The following PRDM10 variants were observed in gnomAD, a reference collection of about 807,000 sequenced individuals.
PRDM10 encodes PR domain zinc finger protein 10.
Under a neutral mutation model 133.1 loss-of-function variants are expected in PRDM10, and 65 were observed. The observed-to-expected ratio is 0.49, with a 90% CI of 0.40 to 0.60. The LOEUF is 0.60. PRDM10 is among the 20% of genes least tolerant of loss of function. The probability of loss-of-function intolerance (pLI) is 0.00; values close to 1 mark genes in which losing one functional copy is unlikely to be tolerated. For missense variants in PRDM10, 1,137 were observed against 1,507.1 expected, an observed-to-expected ratio of 0.75 and a Z score of 4.07; for synonymous variants, 582 against 580.4, an observed-to-expected ratio of 1.00 and a Z score of -0.04.
intron 20 of PRDM10, among the ~76,000 whole-genome samples, chr11:129,904,085 T>C (rs1394167961): frequency 6.6e-6 from 1 of 151,320 alleles, no homozygotes; most frequent in Non-Finnish European, 1.5e-5. Context: ...TTACTCTGGA[T>C]TTACAAATCT....
chr11:129,908,070 A>C (rs1010156613), intron 19 of PRDM10, among the ~76,000 whole-genome samples: 3 of 152,196 alleles, frequency 2.0e-5, no homozygotes, highest in Non-Finnish European at 4.4e-5. Flanking sequence ...ACTGTACTCC[A>C]GACTGGGTGA....
chr11:129,944,469 C>T (rs1951331980), intron 6 of PRDM10, among the ~76,000 whole-genome samples: 1 of 151,694 alleles, frequency 6.6e-6, no homozygotes, highest in East Asian at 1.9e-4. Flanking sequence ...CCTGTAGTCC[C>T]AGCTACTCGG....
At chr11:129,978,776 T>C (rs1937933642) in intron 1 of PRDM10, among the ~76,000 whole-genome samples, 1 of 152,232 alleles carries the variant, frequency 6.6e-6, no homozygotes. Context: ...CCTTTCTTCA[T>C]GCCTCCAAGT....
rs774486359 is a variant in PRDM10, at chr11:129,923,326, G to A, written c.1956C>T (p.Pro652=). The A allele has an allele frequency of 1.2e-6, 2 of 1,610,360 alleles. No homozygotes were observed. Among genetic ancestry groups the A allele is most frequent in the South Asian group, 2.2e-5 (2 of 90,216 alleles). ...GGAGCATGTGGAGTCGCAGTTTATC[G>A]GGGCGACAGAAGGCCTTGTCACACT... ...CTECDKAFCR[P]DKLRLHMLRH... is the part of the protein sequence containing the mutation. Residue 652 remains proline (P), a synonymous_variant, in exon 13 of 21, where the codon CCC becomes CCT. Coordinates refer to ENST00000360871, the MANE Select transcript of PRDM10 (RefSeq NM_199437.2). This position sits in a 1 kb window ranked among gnomAD's most constrained non-coding sequence, Gnocchi z 4.4.
intron 17 of PRDM10, among the ~76,000 whole-genome samples, chr11:129,912,580 T>C (rs2135735453): frequency 6.6e-6 from 1 of 151,654 alleles, no homozygotes; most frequent in Admixed American, 6.6e-5. Flanking sequence ...TGAAACCCCG[T>C]CTCTACTGAA....
At chr11:129,984,496 A>C (rs1193706717) in intron 1 of PRDM10, among the ~76,000 whole-genome samples, 1 of 151,918 alleles carries the variant, frequency 6.6e-6, no homozygotes, top group African/African-American at 2.4e-5. Flanking sequence ...CCACGGCCTC[A>C]CTGTCCCCTC....
chr11:129,992,553 C>G (rs1185025885), intron 1 of PRDM10, among the ~76,000 whole-genome samples: 1 of 152,174 alleles, frequency 6.6e-6, no homozygotes, highest in Non-Finnish European at 1.5e-5. Flanking sequence ...GCTGTTGTAG[C>G]CGTGCTCTCC....
chr11:129,987,604 T>A (rs116173632), intron 1 of PRDM10, among the ~76,000 whole-genome samples: 1,710 of 152,282 alleles, frequency 0.011, 35 homozygotes, highest in African/African-American at 0.04. Flanking sequence ...CACAGTGGCA[T>A]TATTCATAAT....
intron 19 of PRDM10, among the ~76,000 whole-genome samples, chr11:129,907,512 C>T (rs1327264633): frequency 6.6e-6 from 1 of 152,096 alleles, no homozygotes; most frequent in Non-Finnish European, 1.5e-5. Flanking sequence ...TCAAGCGATT[C>T]TCCTGCCTTG....
intron 20 of PRDM10, among the ~76,000 whole-genome samples, chr11:129,902,775 G>C (rs1452072367): frequency 6.6e-6 from 1 of 152,188 alleles, no homozygotes; most frequent in African/African-American, 2.4e-5. Flanking sequence ...TTGCATCATG[G>C]TGGTAACATA....
chr11:129,914,576 TAA>T, intron 17 of PRDM10, 126 bp downstream of exon 17: 1 of 1,301,822 alleles, frequency 7.7e-7, no homozygotes, highest in Non-Finnish European at 1.1e-6. Flanking sequence ...GGGGCAGTTG[TAA>T]AATGCCCAAG....
chr11:129,996,757 C>T (rs780959175), intron 1 of PRDM10, among the ~76,000 whole-genome samples: 46 of 152,142 alleles, frequency 3.0e-4, no homozygotes, highest in Non-Finnish European at 6.3e-4. Flanking sequence ...ACCAGTTTGA[C>T]CGAAGTGGCG....
At position 129,914,842 on chromosome 11, in the gene PRDM10, T is replaced by C. The variant is rs145298028; in HGVS notation, c.2703A>G (p.Glu901=). ...TTDLLTQAMT[E]LSQTLTTDYR... is the part of the protein sequence containing the mutation. ...AGTCTGTCGTTAAGGTCTGGGACAGTTCTGTCATTGCTTGGGTGAGCAGGT... is the reference window on the plus strand; with the variant it reads ...AGTCTGTCGTTAAGGTCTGGGACAGCTCTGTCATTGCTTGGGTGAGCAGGT... The change falls in exon 17 of 21, where the codon GAA becomes GAG. Residue 901 remains glutamate, a synonymous_variant. Coordinates refer to ENST00000360871, the MANE Select transcript of PRDM10 (RefSeq NM_199437.2). The C allele has an allele frequency of 1.9e-6, 3 of 1,614,102 alleles. No individual in the cohort carries two copies. Among genetic ancestry groups the C allele is most frequent in the East Asian group, 2.2e-5 (1 of 44,862 alleles).
rs367937122 is a variant in PRDM10, at chr11:129,937,374, G to C, written c.1039+224C>G. Reference sequence around the variant, plus strand: ...GATCTAGGTTCTAATTTGGTATTTGGAAGTCTTCATTATATTAAATATTAT... The same window carrying C: ...GATCTAGGTTCTAATTTGGTATTTGCAAGTCTTCATTATATTAAATATTAT... On this transcript the variant is annotated intron_variant, in intron 8 of 20. Coordinates refer to ENST00000360871, the MANE Select transcript of PRDM10 (RefSeq NM_199437.2). Among the ~76,000 whole-genome samples, 11 of 152,214 alleles carry C rather than the reference G, an allele frequency of 7.2e-5. No individual in the cohort carries two copies. In the East Asian group the frequency reaches 1.7e-3, roughly 24 times the overall value.
intron 2 of PRDM10, 140 bp downstream of exon 2, chr11:129,960,756 C>A: frequency 1.2e-6 from 1 of 809,046 alleles, no homozygotes; most frequent in Non-Finnish European, 2.0e-6. Flanking sequence ...CAAAACAGTC[C>A]CTATTCCTTG....
chr11:129,910,757 A>C (rs759982854), intron 18 of PRDM10, 101 bp from the exon 19 acceptor site: 3 of 1,090,206 alleles, frequency 2.8e-6, no homozygotes, highest in Non-Finnish European at 3.7e-6. Flanking sequence ...TATGAATTAT[A>C]ATACTGAAAC....
chr11:129,946,080 T>C (rs1259712845), intron 5 of PRDM10, among the ~76,000 whole-genome samples: 2 of 144,012 alleles, frequency 1.4e-5, no homozygotes, highest in African/African-American at 5.3e-5. Flanking sequence ...CTACTAAAAA[T>C]ACAAAAAAAA....
chr11:129,905,684 C>G lies in PRDM10; in HGVS notation c.3221G>C (p.Gly1074Ala), dbSNP rs754346945. Residue 1074 changes from glycine to alanine, a missense_variant, in exon 20 of 21, where the codon GGT becomes GCT. Gly to Ala is a moderately conservative substitution (Grantham distance 60, BLOSUM62 0). Around this residue, in one of 6 missense-constraint regions of PRDM10, gnomAD observed 243 missense variants for 259.2 expected, o/e 0.94. Transcript: ENST00000360871. ...GCCAGTAGTAACTGGAGTTGCCACACCACTGTCTGTAATCACAAACTGACC... is the reference window on the plus strand; with the variant it reads ...GCCAGTAGTAACTGGAGTTGCCACAGCACTGTCTGTAATCACAAACTGACC... ...PPGQFVITDS[G>A]VATPVTTGQV... is the part of the protein sequence containing the mutation. The G allele has an allele frequency of 3.7e-6, 6 of 1,614,164 alleles. No individual in the cohort carries two copies. In the South Asian group the frequency reaches 6.6e-5, roughly 18 times the overall value.
At chr11:129,984,216 C>T (rs766961573) in intron 1 of PRDM10, among the ~76,000 whole-genome samples, 2 of 152,222 alleles carry the variant, frequency 1.3e-5, no homozygotes, top group Non-Finnish European at 2.9e-5. Context: ...GCGGAGGTGG[C>T]CTTCCCACTG....
Sources: gnomAD v4.1 joint callset for allele counts (sites outside exome capture counted in the v4.1 genomes callset) on GRCh38, gnomAD v4.1.1 for gene constraint, gnomAD v4.1.1 regional missense constraint, Gnocchi (gnomAD v3.1) non-coding constraint, MANE v1.5 for transcripts, NCBI Gene and HGNC (gene_info 2026-07-23, HGNC 2026-07-21) for gene names.